UST: variants seen among roughly 807,000 people sequenced by gnomAD.
UST encodes the protein uronyl 2-sulfotransferase.
A neutral mutation model predicts 45.6 loss-of-function variants in UST; 21 were observed. The observed-to-expected ratio is 0.46, with a 90% CI of 0.33 to 0.66. The LOEUF is 0.66. Among genes scored for constraint, UST ranks in the 30% least tolerant of loss-of-function variants. The pLI, the probability that UST is intolerant of heterozygous loss-of-function variation, is 0.02. For missense variants in UST, 463 were observed against 512.4 expected (o/e 0.90, Z 0.93); for synonymous variants, 215 against 200.6 (o/e 1.07, Z -0.61).
intron 1 of UST, among the ~76,000 whole-genome samples, chr6:148,841,158 T>C (rs1468182679): frequency 6.6e-6 from 1 of 152,066 alleles, no homozygotes; most frequent in Non-Finnish European, 1.5e-5. Context: ...AAAACGTATT[T>C]CTTATAGCTT....
At chr6:148,854,235 G>A (rs978741271) in intron 1 of UST, among the ~76,000 whole-genome samples, 1 of 152,186 alleles carries the variant, frequency 6.6e-6, no homozygotes, top group African/African-American at 2.4e-5. Context: ...TCCCTGTACC[G>A]CTGAGCCCAC....
intron 7 of UST, among the ~76,000 whole-genome samples, chr6:149,023,163 G>C (rs1006610766): frequency 6.7e-6 from 1 of 150,126 alleles, no homozygotes; most frequent in African/African-American, 2.5e-5. Flanking sequence ...GTGGTGTGGT[G>C]TGTGGTGTGT....
intron 5 of UST, among the ~76,000 whole-genome samples, chr6:148,977,751 C>CAAAAAA (rs60475773): frequency 5.7e-5 from 5 of 88,182 alleles, no homozygotes; most frequent in African/African-American, 8.6e-5. Flanking sequence ...GAATCTGTCT[C>CAAAAAA]AAAAAAAAAA....
intron 5 of UST, among the ~76,000 whole-genome samples, chr6:149,006,996 G>T (rs141713785): frequency 1.1e-3 from 172 of 152,090 alleles, no homozygotes; most frequent in African/African-American, 4.0e-3. Flanking sequence ...CCAGTAGAGA[G>T]AATGAATGAA....
intron 1 of UST, among the ~76,000 whole-genome samples, chr6:148,813,842 A>G (rs1777307520): frequency 6.6e-6 from 1 of 152,252 alleles, no homozygotes; most frequent in Admixed American, 6.5e-5. Flanking sequence ...ATATCAGGCA[A>G]TTTTTGAAGC....
chr6:148,810,669 C>T (rs1777239734), intron 1 of UST, among the ~76,000 whole-genome samples: 1 of 152,168 alleles, frequency 6.6e-6, no homozygotes, highest in Non-Finnish European at 1.5e-5. Flanking sequence ...GTGGGCTCAA[C>T]TCTCTTTTCT....
chr6:148,809,043 C>G (rs936340463), intron 1 of UST, among the ~76,000 whole-genome samples: 1 of 152,242 alleles, frequency 6.6e-6, no homozygotes, highest in Non-Finnish European at 1.5e-5. Context: ...GACACTGTCC[C>G]TCACTGGCAA....
chr6:148,874,854 C>T (rs558377669), intron 1 of UST, among the ~76,000 whole-genome samples: 4 of 152,122 alleles, frequency 2.6e-5, no homozygotes, highest in Non-Finnish European at 4.4e-5. Flanking sequence ...CATGGTTTAA[C>T]GGTGGAAAGT....
chr6:148,776,822 AGTCATCTCCTCTGGATCC>A (rs776576468), intron 1 of UST, among the ~76,000 whole-genome samples: 6 of 152,162 alleles, frequency 3.9e-5, no homozygotes, highest in Non-Finnish European at 7.3e-5. Context: ...GCTGTGATAC[AGTCATCTCCTCTGGATCC>A]GTCATGATGG....
rs532729042 is a variant in UST at position 148,880,829 on chromosome 6, A to T, written c.248-6157A>T. ...TGGATCACGAGATCAGGAGATCGGG[A>T]CCATCCTGGCTAACATGGTGAAACC... On this transcript the variant is annotated intron_variant, in intron 1 of 7. Transcript: ENST00000367463. 2.0e-5 allele frequency among the ~76,000 whole-genome samples: 3 copies of T among 152,236 alleles called. No individual in the cohort carries two copies. The South Asian group carries it at 6.2e-4, about 32-fold the overall frequency.
intron 2 of UST, among the ~76,000 whole-genome samples, chr6:148,931,163 A>C (rs1779915784): frequency 6.6e-6 from 1 of 152,276 alleles, no homozygotes; most frequent in Admixed American, 6.5e-5. Context: ...CCATGCCAAC[A>C]ATATCTGCTA....
At chr6:148,883,181 G>T (rs1361129770) in intron 1 of UST, among the ~76,000 whole-genome samples, 3 of 152,232 alleles carry the variant, frequency 2.0e-5, no homozygotes, top group Non-Finnish European at 2.9e-5. Flanking sequence ...ATTTTGCTGT[G>T]ATACACTGTT....
At chr6:148,822,569 G>C (rs962643354) in intron 1 of UST, among the ~76,000 whole-genome samples, 1 of 152,194 alleles carries the variant, frequency 6.6e-6, no homozygotes, top group Non-Finnish European at 1.5e-5. Flanking sequence ...TGCATAGTCT[G>C]TAAAACCAAG....
chr6:149,061,159 C>A (rs1200479751), intron 7 of UST, among the ~76,000 whole-genome samples: 1 of 152,020 alleles, frequency 6.6e-6, no homozygotes, highest in Non-Finnish European at 1.5e-5. Context: ...GGCCTCTGTC[C>A]TCCGGTGCAG....
At chr6:148,845,020 G>A (rs1228653593) in intron 1 of UST, among the ~76,000 whole-genome samples, 7 of 151,950 alleles carry the variant, frequency 4.6e-5, no homozygotes, top group Non-Finnish European at 1.0e-4. Flanking sequence ...ACATAGTCTC[G>A]ATCCAATCCT....
chr6:149,065,812 CT>C (rs1286590813), intron 7 of UST, among the ~76,000 whole-genome samples: 1 of 152,236 alleles, frequency 6.6e-6, no homozygotes, highest in African/African-American at 2.4e-5. Flanking sequence ...ACTCCTGTTT[CT>C]GACCGCGACA....
intron 2 of UST, among the ~76,000 whole-genome samples, chr6:148,899,423 A>G (rs1246547727): frequency 6.6e-6 from 1 of 152,050 alleles, no homozygotes; most frequent in African/African-American, 2.4e-5. Flanking sequence ...CTTATTTTTT[A>G]TTAGATTGTA....
intron 2 of UST, among the ~76,000 whole-genome samples, chr6:148,927,123 T>C (rs570464358): frequency 2.0e-5 from 3 of 151,580 alleles, no homozygotes; most frequent in Non-Finnish European, 4.4e-5. Context: ...CGTTATGTAT[T>C]GAGCTAAGTA....
chr6:148,912,339 A>G (rs1779492386), intron 2 of UST, among the ~76,000 whole-genome samples: 1 of 152,264 alleles, frequency 6.6e-6, no homozygotes, highest in South Asian at 2.1e-4. Context: ...TTTTCATCTC[A>G]AGGCTGCTTA....
Sources: gnomAD v4.1 joint callset for allele counts (sites outside exome capture counted in the v4.1 genomes callset) on GRCh38, gnomAD v4.1.1 for gene constraint, MANE v1.5 for transcripts, NCBI Gene and HGNC (gene_info 2026-07-23, HGNC 2026-07-21) for gene names.